NRG1: variants seen among roughly 807,000 people sequenced by gnomAD.
NRG1 encodes pro-neuregulin-1, membrane-bound isoform.
A neutral mutation model predicts 63.8 loss-of-function variants in NRG1; 18 were observed. The observed-to-expected ratio is 0.28, with a 90% CI of 0.19 to 0.42. The LOEUF (loss-of-function observed/expected upper bound fraction) is 0.42, where lower values mean the gene tolerates loss of function less well. Ranked by LOEUF, NRG1 falls within the 10% of genes least tolerant of loss-of-function variation. The pLI is 1.00. For synonymous variants in NRG1, 302 were observed against 301.3 expected (o/e 1.00, Z -0.02); for missense variants, 762 against 814.7 (o/e 0.94, Z 0.79).
intron 1 of NRG1, among the ~76,000 whole-genome samples, chr8:32,344,386 T>C (rs199946349): frequency 0.021 from 2,128 of 101,412 alleles, 119 homozygotes; most frequent in Non-Finnish European, 0.025. Context: ...TTCTTTCTCT[T>C]TCTTTCTTTT....
intron 1 of NRG1, among the ~76,000 whole-genome samples, chr8:32,302,518 G>T (rs1434070762): frequency 6.6e-6 from 1 of 151,510 alleles, no homozygotes; most frequent in Non-Finnish European, 1.5e-5. Flanking sequence ...TATTTTTATT[G>T]TGTGATGTAA....
intron 1 of NRG1, among the ~76,000 whole-genome samples, chr8:31,830,381 C>T (rs530777147): frequency 6.6e-6 from 1 of 150,672 alleles, no homozygotes; most frequent in African/African-American, 2.4e-5. Flanking sequence ...CTCCTTCCCT[C>T]CTTCCCTCCT....
chr8:32,749,447 A>G, intron 7 of NRG1: 5 of 1,059,450 alleles, frequency 4.7e-6, no homozygotes, highest in Non-Finnish European at 7.3e-6. Context: ...TTCAATGTGC[A>G]TGCACAGAGA....
chr8:32,153,901 G>A (rs957285674), intron 1 of NRG1, among the ~76,000 whole-genome samples: 3 of 152,176 alleles, frequency 2.0e-5, no homozygotes, highest in African/African-American at 4.8e-5. Context: ...TAGTTCTAGG[G>A]ATCAAGTAAC....
intron 1 of NRG1, among the ~76,000 whole-genome samples, chr8:32,038,713 G>A (rs1467491007): frequency 1.3e-5 from 2 of 152,052 alleles, no homozygotes; most frequent in South Asian, 4.1e-4. Context: ...TTGGGAGCAC[G>A]TATTGCTGTT....
At chr8:32,286,751 C>A (rs149265094) in intron 1 of NRG1, among the ~76,000 whole-genome samples, 4 of 152,170 alleles carry the variant, frequency 2.6e-5, no homozygotes, top group Admixed American at 1.3e-4. Flanking sequence ...GTAATCCTAA[C>A]ACTTAGAGGC....
intron 1 of NRG1, among the ~76,000 whole-genome samples, chr8:32,424,877 C>G (rs1012095536): frequency 1.2e-4 from 19 of 152,006 alleles, no homozygotes; most frequent in Middle Eastern, 3.4e-3. Context: ...CAGAACAAAA[C>G]AAACAACAAA....
chr8:32,378,427 C>T (rs1809899102), intron 1 of NRG1, among the ~76,000 whole-genome samples: 1 of 152,040 alleles, frequency 6.6e-6, no homozygotes, highest in Non-Finnish European at 1.5e-5. Context: ...TTAATTCTAC[C>T]TAAAAGCAAT....
intron 5 of NRG1, among the ~76,000 whole-genome samples, chr8:32,635,554 CAGTA>C (rs1434633651): frequency 6.6e-6 from 1 of 151,502 alleles, no homozygotes; most frequent in Non-Finnish European, 1.5e-5. Flanking sequence ...TTTTTTTTGA[CAGTA>C]AGTTAGTTAT....
intron 1 of NRG1, among the ~76,000 whole-genome samples, chr8:32,039,952 T>C (rs1819681243): frequency 6.6e-6 from 1 of 151,778 alleles, no homozygotes; most frequent in Admixed American, 6.6e-5. Context: ...AACCGAAGAG[T>C]TTGAGCCTGC....
At chr8:31,896,448 G>GT (rs1372185005) in intron 1 of NRG1, among the ~76,000 whole-genome samples, 9 of 152,152 alleles carry the variant, frequency 5.9e-5, no homozygotes, top group African/African-American at 2.2e-4. Flanking sequence ...CTCTAAGCTT[G>GT]TGATACTCCT....
intron 6 of NRG1, among the ~76,000 whole-genome samples, chr8:32,730,843 A>G (rs983176529): frequency 6.6e-6 from 1 of 152,178 alleles, no homozygotes; most frequent in Non-Finnish European, 1.5e-5. Context: ...CCTAATCTTA[A>G]GCATACAGTG....
intron 1 of NRG1, chr8:32,441,310 C>A (rs1271762676): frequency 6.6e-6 from 1 of 152,080 alleles, no homozygotes; most frequent in South Asian, 2.1e-4. Flanking sequence ...GTGGTAGCAA[C>A]CATCCAAGCT....
At chr8:31,874,372 TAAG>T (rs1233406531) in intron 1 of NRG1, among the ~76,000 whole-genome samples, 6 of 152,308 alleles carry the variant, frequency 3.9e-5, no homozygotes, top group African/African-American at 9.6e-5. Context: ...TTTTGAAAAA[TAAG>T]AAGATTTGAG....
At chr8:31,999,813 A>G (rs1812630446) in intron 1 of NRG1, among the ~76,000 whole-genome samples, 1 of 152,034 alleles carries the variant, frequency 6.6e-6, no homozygotes. Context: ...TAATATAGGA[A>G]AATTAAAGGC....
At chr8:32,456,451 T>C (rs1331869215) in intron 1 of NRG1, among the ~76,000 whole-genome samples, 1 of 152,186 alleles carries the variant, frequency 6.6e-6, no homozygotes, top group African/African-American at 2.4e-5. Flanking sequence ...TTCTCCCACC[T>C]CTGCCACCCA....
At chr8:32,446,590 G>A (rs1261855157) in intron 1 of NRG1, among the ~76,000 whole-genome samples, 1 of 152,092 alleles carries the variant, frequency 6.6e-6, no homozygotes, top group Admixed American at 6.6e-5. Context: ...GAGAAGTGGA[G>A]ATTGCAGTGA....
At chr8:32,484,394 G>A (rs566148918) in intron 1 of NRG1, among the ~76,000 whole-genome samples, 4 of 152,054 alleles carry the variant, frequency 2.6e-5, no homozygotes, top group African/African-American at 7.2e-5. Flanking sequence ...AGAGAAGGGA[G>A]TCAACTTTGA....
At chr8:32,615,202 TATG>T (rs1425146094) in intron 4 of NRG1, among the ~76,000 whole-genome samples, 1 of 152,112 alleles carries the variant, frequency 6.6e-6, no homozygotes, top group African/African-American at 2.4e-5. Context: ...CTTCACAAGC[TATG>T]AATTTAATCT....
Sources: allele counts gnomAD v4.1 joint callset (sites outside exome capture counted in the v4.1 genomes callset), GRCh38; gene constraint gnomAD v4.1.1; transcripts MANE v1.5; gene names NCBI Gene and HGNC (gene_info 2026-07-23, HGNC 2026-07-21).